The following IFNGR1 variants were observed in gnomAD, a reference collection of about 807,000 sequenced individuals.
IFNGR1 encodes the protein AVP, type 2.
A neutral mutation model predicts 35.4 loss-of-function variants in IFNGR1; 23 were observed. That is an observed-to-expected ratio of 0.65 (90% CI 0.47 to 0.92). The LOEUF is 0.92. Among genes scored for constraint, IFNGR1 ranks in the 40% least tolerant of loss-of-function variants. The pLI is 0.00. For missense variants in IFNGR1, 533 were observed against 583.4 expected (o/e 0.91, Z 0.89); for synonymous variants, 199 against 209.5 (o/e 0.95, Z 0.43).
At position 137,213,852 on chromosome 6, in the gene IFNGR1, C is replaced by T. The variant is rs574285852; in HGVS notation, c.85+5391G>A. On this transcript the variant is annotated intron_variant, in intron 1 of 6. Transcript: ENST00000367739. ...TCCATCCTGTAACCACCAAAAGCAT[C>T]TGTGTCTCTTTAAAAAAGGACAGCC... Among the ~76,000 whole-genome samples, 12 of 152,308 alleles carry T rather than the reference C, an allele frequency of 7.9e-5. No individual in the cohort carries two copies. The East Asian group carries it at 2.3e-3, about 29-fold the overall frequency.
intron 1 of IFNGR1, among the ~76,000 whole-genome samples, chr6:137,217,856 G>C (rs1225566502): frequency 1.3e-5 from 2 of 152,236 alleles, no homozygotes; most frequent in East Asian, 3.9e-4. Flanking sequence ...CTTTACAATA[G>C]AACGCTTAAT....
chr6:137,203,277 A>T (rs1463535486), intron 5 of IFNGR1, among the ~76,000 whole-genome samples: 1 of 152,184 alleles, frequency 6.6e-6, no homozygotes, highest in Non-Finnish European at 1.5e-5. Flanking sequence ...TTCCTGGGTC[A>T]AGGGGCCATC....
At chr6:137,203,879 T>A (rs1006968050) in intron 4 of IFNGR1, 194 bp from the exon 5 acceptor site, 6 of 604,976 alleles carry the variant, frequency 9.9e-6, no homozygotes, top group Middle Eastern at 4.1e-4. Flanking sequence ...TCTGTTATAT[T>A]CCTTATAAAA....
chr6:137,199,337 T>A (rs1488445847), intron 6 of IFNGR1, among the ~76,000 whole-genome samples: 2 of 131,788 alleles, frequency 1.5e-5, no homozygotes, highest in Non-Finnish European at 3.1e-5. Context: ...TTATAATATA[T>A]AATATATAAT....
rs766975520 is a variant in IFNGR1 at position 137,204,311 on chromosome 6, TG to T, written c.546+20del. The T allele has an allele frequency of 4.4e-6, 7 of 1,606,392 alleles. No individual in the cohort carries two copies. The highest frequency in any genetic ancestry group is 8.5e-7 in the Non-Finnish European group (1 of 1,173,014). ...GCTAGCTACACAAGAATTTCCATTA[TG>T]AAAAATGTGAAACACATACCTCACT... On this transcript the variant is annotated intron_variant, in intron 4 of 6. Transcript: ENST00000367739.
At position 137,209,520 on chromosome 6, in the gene IFNGR1, G is replaced by A. The variant is rs1466945459; in HGVS notation, c.86-2443C>T. 3.3e-5 allele frequency among the ~76,000 whole-genome samples: 5 copies of A among 152,124 alleles called. 1 individual carries two copies. The highest frequency in any genetic ancestry group is 3.8e-4 in the East Asian group (2 of 5,196). ...TCTCGTGATAGTGAGTAAGTCTCAC[G>A]AGATCTGATGGGTTTATCAGGGGTT... On this transcript the variant is annotated intron_variant, in intron 1 of 6. Coordinates refer to ENST00000367739, the MANE Select transcript of IFNGR1 (RefSeq NM_000416.3).
At chr6:137,216,811 G>T (rs1410893128) in intron 1 of IFNGR1, among the ~76,000 whole-genome samples, 1 of 152,208 alleles carries the variant, frequency 6.6e-6, no homozygotes, top group Non-Finnish European at 1.5e-5. Flanking sequence ...GAAAAGCAAG[G>T]CCGGGGTGCT....
rs542709880 is a variant in IFNGR1 at position 137,197,967 on chromosome 6, T to G, written c.*64A>C. 1.2e-5 allele frequency: 20 copies of G among 1,606,982 alleles called. No homozygotes were observed. The South Asian group carries it at 2.1e-4, about 17-fold the overall frequency. ...AATTTCTGAGATCATAATCTTTTCA[T>G]GAAATTAAAGCAGAAAACTGTCCAG... On this transcript the variant is annotated 3_prime_UTR_variant, in exon 7 of 7. Transcript: ENST00000367739.
At chr6:137,218,659 T>G in intron 1 of IFNGR1, 1 of 360,528 alleles carries the variant, frequency 2.8e-6, no homozygotes, top group South Asian at 1.9e-5. Context: ...CACATGCTGA[T>G]CAGGACACTC....
intron 1 of IFNGR1, chr6:137,215,286 T>G: frequency 6.5e-7 from 1 of 1,548,516 alleles, no homozygotes; most frequent in Non-Finnish European, 8.7e-7. Flanking sequence ...TAAATTGGAA[T>G]TGGAGAAGAC....
At position 137,219,301 on chromosome 6, in the gene IFNGR1, A is replaced by C; in HGVS notation, c.27T>G (p.Leu9=). Reference sequence around the variant, plus strand: ...CAGCCCTGCTCACACCCTGCATGACAAGGGGTAGGAGAAAGAGGAGAGCCA... The same window carrying C: ...CAGCCCTGCTCACACCCTGCATGACCAGGGGTAGGAGAAAGAGGAGAGCCA... MALLFLLP[L]VMQGVSRAEM... The change falls in exon 1 of 7, where the codon CTT becomes CTG. Residue 9 remains leucine (L), a synonymous_variant. Coordinates refer to ENST00000367739, the MANE Select transcript of IFNGR1 (RefSeq NM_000416.3). 1 of 1,610,952 alleles carries C rather than the reference A, an allele frequency of 6.2e-7. No homozygotes were observed.
chr6:137,203,103 A>T (rs948397654), intron 5 of IFNGR1, among the ~76,000 whole-genome samples: 1 of 152,230 alleles, frequency 6.6e-6, no homozygotes, highest in Non-Finnish European at 1.5e-5. Context: ...AGTTGTAACC[A>T]GTGATCGTTC....
intron 1 of IFNGR1, among the ~76,000 whole-genome samples, chr6:137,217,812 A>G (rs1317971945): frequency 6.6e-6 from 1 of 152,120 alleles, no homozygotes; most frequent in African/African-American, 2.4e-5. Flanking sequence ...TCTCCACCTA[A>G]CCTATCTCCT....
At chr6:137,198,729 C>T (rs1007747761) in intron 6 of IFNGR1, 90 bp from the exon 7 acceptor site, 1 of 944,236 alleles carries the variant, frequency 1.1e-6, no homozygotes, top group African/African-American at 1.6e-5. Flanking sequence ...TAATGGACCA[C>T]CAAATGGCAC....
At position 137,197,874 on chromosome 6, in the gene IFNGR1, G is replaced by T; in HGVS notation, c.*157C>A. 1 of 909,610 alleles carries T rather than the reference G, an allele frequency of 1.1e-6. No homozygotes were observed. 56.3% of individuals were successfully genotyped at this position (909,610 alleles called of 1,614,324 possible). ...TACTTTACAAGCCAAAAGTGAAAAT[G>T]CCACACATCCTCTTTACGCTTTCAT... On this transcript the variant is annotated 3_prime_UTR_variant, in exon 7 of 7. Coordinates refer to ENST00000367739, the MANE Select transcript of IFNGR1 (RefSeq NM_000416.3).
intron 1 of IFNGR1, 152 bp downstream of exon 1, chr6:137,219,091 C>A: frequency 1.0e-6 from 1 of 953,820 alleles, no homozygotes; most frequent in Non-Finnish European, 1.6e-6. Context: ...CTCGCGACCC[C>A]ACCTCGCGTC....
At chr6:137,209,756 G>A (rs1779532055) in intron 1 of IFNGR1, 2 of 398,176 alleles carry the variant, frequency 5.0e-6, no homozygotes, top group South Asian at 1.3e-4. Context: ...AATGAGGATG[G>A]CCAATTTCAC....
chr6:137,198,659 T>C lies in IFNGR1; in HGVS notation c.862-20A>G, dbSNP rs761680361. The C allele has an allele frequency of 1.9e-6, 3 of 1,595,466 alleles. No homozygotes were observed. The South Asian group carries it at 3.3e-5, about 18-fold the overall frequency. On this transcript the variant is annotated intron_variant, in intron 6 of 6. Transcript: ENST00000367739. The stretch of plus-strand genomic sequence containing the variant: ...AGAGATCTATGGGGAGAAAAATTGA[T>C]TAAAGATAAAAAATTGTTAAGCTTA...
rs770546541 is a variant in IFNGR1, at chr6:137,219,316, G to A, written c.12C>T (p.Leu4=). The change falls in exon 1 of 7, where the codon CTC becomes CTT. Residue 4 remains leucine (L), a synonymous_variant. Coordinates refer to ENST00000367739, the MANE Select transcript of IFNGR1 (RefSeq NM_000416.3). ...CCTGCATGACAAGGGGTAGGAGAAAGAGGAGAGCCATGCTGCTACCGACGG... is the reference window on the plus strand; with the variant it reads ...CCTGCATGACAAGGGGTAGGAGAAAAAGGAGAGCCATGCTGCTACCGACGG... MAL[L]FLLPLVMQGV... is the part of the protein sequence containing the mutation. 5.6e-6 allele frequency: 9 copies of A among 1,608,930 alleles called. No individual in the cohort carries two copies. The highest frequency in any genetic ancestry group is 3.3e-5 in the South Asian group (3 of 89,826).
Sources: allele counts gnomAD v4.1 joint callset (sites outside exome capture counted in the v4.1 genomes callset), GRCh38; gene constraint gnomAD v4.1.1; transcripts MANE v1.5; gene names NCBI Gene and HGNC (gene_info 2026-07-23, HGNC 2026-07-21).